Variants in DDX31 observed in about 807,000 individuals in gnomAD.
DDX31 encodes ATP-dependent DNA helicase DDX31.
Under a neutral mutation model 91.3 loss-of-function variants are expected in DDX31, and 70 were observed. That is an observed-to-expected ratio of 0.77 (90% CI 0.63 to 0.94). The LOEUF is 0.94. Ranked by LOEUF, DDX31 falls within the 40% of genes least tolerant of loss-of-function variation. The pLI, the probability that DDX31 is intolerant of heterozygous loss-of-function variation, is 0.00. For synonymous variants in DDX31, 362 were observed against 350.6 expected (o/e 1.03, Z -0.36); for missense variants, 902 against 925.0 (o/e 0.98, Z 0.32).
At chr9:132,631,950 A>G in intron 15 of DDX31, 91 bp downstream of exon 15, 1 of 1,175,276 alleles carries the variant, frequency 8.5e-7, no homozygotes, top group South Asian at 1.5e-5. Context: ...ACCCAAGAGG[A>G]TAATAATAAT....
chr9:132,604,864 A>G (rs1830924435), intron 19 of DDX31, among the ~76,000 whole-genome samples: 1 of 152,126 alleles, frequency 6.6e-6, no homozygotes, highest in Non-Finnish European at 1.5e-5. Flanking sequence ...GGTGGGGTGG[A>G]GGCCCCACTC....
At position 132,646,092 on chromosome 9, in the gene DDX31, G is replaced by A; in HGVS notation, c.1204-21C>T. On this transcript the variant is annotated intron_variant, in intron 12 of 19. Coordinates refer to ENST00000372159, the MANE Select transcript of DDX31 (RefSeq NM_022779.9). ...TCAAACTACATCGATACAAAGGGAG[G>A]AAAAACCGACATATTTTAAGATTAG... 4 of 1,601,904 alleles carry A rather than the reference G, an allele frequency of 2.5e-6. No homozygotes were observed. The East Asian group carries it at 9.0e-5, about 36-fold the overall frequency.
intron 9 of DDX31, 71 bp from the exon 10 acceptor site, chr9:132,648,622 A>G: frequency 6.6e-7 from 1 of 1,526,364 alleles, no homozygotes; most frequent in South Asian, 1.3e-5. Context: ...CACAGGAAAA[A>G]GGCAAAATAG....
intron 5 of DDX31, 89 bp downstream of exon 5, chr9:132,659,621 A>G: frequency 7.5e-7 from 1 of 1,342,280 alleles, no homozygotes; most frequent in Non-Finnish European, 1.0e-6. Context: ...AACTGCCACC[A>G]CCACCAACCC....
At chr9:132,618,197 G>C in intron 18 of DDX31, 133 bp downstream of exon 18, 1 of 615,108 alleles carries the variant, frequency 1.6e-6, no homozygotes, top group Non-Finnish European at 2.7e-6. Flanking sequence ...GAATTATGGA[G>C]ATTGAAGGCT....
chr9:132,620,477 A>AG (rs200740510), intron 17 of DDX31, among the ~76,000 whole-genome samples: 1 of 151,682 alleles, frequency 6.6e-6, no homozygotes, highest in Non-Finnish European at 1.5e-5. Flanking sequence ...CGAAATACGT[A>AG]GGGAAAAAAA....
intron 12 of DDX31, 111 bp downstream of exon 12, chr9:132,646,712 A>C: frequency 1.0e-6 from 1 of 992,296 alleles, no homozygotes; most frequent in Non-Finnish European, 1.5e-6. Context: ...TGCAGACATA[A>C]GTTGGAAAAC....
rs536905198 is a variant in DDX31 at position 132,619,885 on chromosome 9, T to G, written c.1714-1444A>C. Among the ~76,000 whole-genome samples the G allele has an allele frequency of 1.0e-3, 155 of 152,132 alleles. 1 individual carries two copies. The Middle Eastern group carries it at 0.01, about 10-fold the overall frequency. On this transcript the variant is annotated intron_variant, in intron 17 of 19. Coordinates refer to ENST00000372159, the MANE Select transcript of DDX31 (RefSeq NM_022779.9). ...GCAACTGTCACCTTCCCTGTGTTTTTTTTTTTTTTTAATATGAATGTGAAA... is the reference window on the plus strand; with the variant it reads ...GCAACTGTCACCTTCCCTGTGTTTTGTTTTTTTTTTAATATGAATGTGAAA...
At chr9:132,643,235 C>T (rs1590060061) in intron 13 of DDX31, among the ~76,000 whole-genome samples, 1 of 152,198 alleles carries the variant, frequency 6.6e-6, no homozygotes, top group East Asian at 1.9e-4. Flanking sequence ...CTCGCTGGAC[C>T]AAAAGGTGAG....
intron 14 of DDX31, chr9:132,638,183 C>A: frequency 7.0e-7 from 1 of 1,420,052 alleles, no homozygotes; most frequent in East Asian, 2.6e-5. Context: ...GACTGCACTC[C>A]ATCCAGGGAC....
In DDX31 at chr9:132,664,840, G is replaced by A. The variant is rs1478950328; in HGVS notation, c.76-2145C>T. Among the ~76,000 whole-genome samples, 7 of 151,376 alleles carry A rather than the reference G, an allele frequency of 4.6e-5. No individual in the cohort carries two copies. In the South Asian group the frequency reaches 1.5e-3, roughly 32 times the overall value. On this transcript the variant is annotated intron_variant, in intron 1 of 19. Coordinates refer to ENST00000372159, the MANE Select transcript of DDX31 (RefSeq NM_022779.9). ...CGGGTCTTCCTTCAGTTCCTAGAATGTGCTGTGCTCCTTCCTCCTCCTTTG... is the reference window on the plus strand; with the variant it reads ...CGGGTCTTCCTTCAGTTCCTAGAATATGCTGTGCTCCTTCCTCCTCCTTTG...
At chr9:132,659,620 C>G in intron 5 of DDX31, 90 bp downstream of exon 5, 4 of 1,330,336 alleles carry the variant, frequency 3.0e-6, no homozygotes, top group Non-Finnish European at 4.2e-6. Flanking sequence ...AAACTGCCAC[C>G]ACCACCAACC....
Position 132,669,840 on chromosome 9 carries a change from G to T in DDX31, c.75+20C>A. 6.4e-7 allele frequency: 1 copy of T among 1,562,440 alleles called. No homozygotes were observed. Among genetic ancestry groups the T allele is most frequent in the Non-Finnish European group, 8.6e-7 (1 of 1,156,484 alleles). The stretch of plus-strand genomic sequence containing the variant: ...CCGGGCCGCGGGTGGGGACGGAGCT[G>T]AAGCCGGGTCAGAACTCACCCGACT... On this transcript the variant is annotated intron_variant, in intron 1 of 19. Coordinates refer to ENST00000372159, the MANE Select transcript of DDX31 (RefSeq NM_022779.9).
At chr9:132,667,915 A>G (rs1835421229) in intron 1 of DDX31, among the ~76,000 whole-genome samples, 1 of 152,208 alleles carries the variant, frequency 6.6e-6, no homozygotes. Flanking sequence ...GAATCCTTAC[A>G]ATAGTCTTCT....
intron 1 of DDX31, chr9:132,663,258 C>G (rs1355547941): frequency 1.6e-6 from 2 of 1,289,218 alleles, no homozygotes; most frequent in Non-Finnish European, 2.0e-6. Flanking sequence ...CTCATTCTCT[C>G]CTCTCAAGCT....
rs540675714 is a variant in DDX31 at position 132,659,709 on chromosome 9, C to T, written c.523+1G>A. ...AAGGGCAGAGATGAAATGAGACTAA[C>T]CTGAGCCCGTCTGGGATCTCACGAG... On this transcript the variant is annotated splice_donor_variant, in intron 5 of 19. Coordinates refer to ENST00000372159, the MANE Select transcript of DDX31 (RefSeq NM_022779.9). LOFTEE classifies it high-confidence loss of function. 1.2e-6 allele frequency: 2 copies of T among 1,608,456 alleles called. No homozygotes were observed. The highest frequency in any genetic ancestry group is 1.7e-5 in the Admixed American group (1 of 59,506).
chr9:132,642,642 A>C (rs1286814595), intron 13 of DDX31, among the ~76,000 whole-genome samples: 1 of 135,848 alleles, frequency 7.4e-6, no homozygotes, highest in South Asian at 2.2e-4. Flanking sequence ...GCAGCTTTCC[A>C]AAAAAAAAAA....
chr9:132,655,617 T>C (rs544194050), intron 6 of DDX31, among the ~76,000 whole-genome samples: 1 of 152,284 alleles, frequency 6.6e-6, no homozygotes, highest in East Asian at 1.9e-4. Context: ...TATATATTTT[T>C]GGTACTCTTT....
intron 19 of DDX31, among the ~76,000 whole-genome samples, chr9:132,603,389 G>T (rs553748316): frequency 1.3e-5 from 2 of 152,250 alleles, no homozygotes; most frequent in African/African-American, 4.8e-5. Flanking sequence ...ACATCATGAA[G>T]AAGAGTGTGG....
Sources: allele counts gnomAD v4.1 joint callset (sites outside exome capture counted in the v4.1 genomes callset), GRCh38; gene constraint gnomAD v4.1.1; transcripts MANE v1.5; gene names NCBI Gene and HGNC (gene_info 2026-07-23, HGNC 2026-07-21).